The following CAMK1D variants were observed in gnomAD, a reference collection of about 807,000 sequenced individuals.
The protein encoded by CAMK1D is calcium/calmodulin dependent protein kinase ID.
Under a neutral mutation model 47.7 loss-of-function variants are expected in CAMK1D, and 9 were observed. The ratio of observed to expected loss-of-function variants is 0.19; its 90% CI spans 0.11 to 0.33. CAMK1D has a LOEUF of 0.33. CAMK1D is among the 10% of genes least tolerant of loss of function. CAMK1D has a pLI of 1.00. For missense variants in CAMK1D, 291 were observed against 488.7 expected (o/e 0.60, Z 3.81); for synonymous variants, 184 against 184.9 (o/e 0.99, Z 0.04).
rs1833412191 is a variant in CAMK1D, at chr10:12,831,124, A to G, written c.*2237A>G. Reference sequence around the variant, plus strand: ...GAATTCTGCATGGCATCTGCCACGCATGCTCACAGGGTGAAAAATCAAGCT... The same window carrying G: ...GAATTCTGCATGGCATCTGCCACGCGTGCTCACAGGGTGAAAAATCAAGCT... On this transcript the variant is annotated 3_prime_UTR_variant, in exon 11 of 11. Coordinates refer to ENST00000619168, the MANE Select transcript of CAMK1D (RefSeq NM_153498.4). 6.6e-6 allele frequency: 1 copy of G among 152,246 alleles called. No individual in the cohort carries two copies. The highest frequency in any genetic ancestry group is 6.5e-5 in the Admixed American group (1 of 15,284). The allele number at this position is 152,246 out of a possible 1,614,324, so 9.4% of individuals were successfully genotyped here. A position where few individuals can be genotyped will look rare whatever the true frequency, so the allele number is the denominator to read the frequency against.
chr10:12,569,167 A>G (rs963876566), intron 2 of CAMK1D, among the ~76,000 whole-genome samples: 3 of 152,210 alleles, frequency 2.0e-5, no homozygotes, highest in Non-Finnish European at 4.4e-5. Context: ...TGTATTCTCT[A>G]TACTCAATCA....
intron 3 of CAMK1D, among the ~76,000 whole-genome samples, chr10:12,713,821 A>G (rs1834021757): frequency 1.3e-5 from 2 of 152,230 alleles, no homozygotes; most frequent in Admixed American, 1.3e-4. Flanking sequence ...TTGGAACAGA[A>G]TCCCTCAACA....
chr10:12,694,149 T>TATATTATGC lies in CAMK1D; in HGVS notation c.299+27342_299+27343insTTATGCATA, dbSNP rs1339275117. ...AATATATATTATATATAATATAATA[T>TATATTATGC]ATAATATATATTATGCATAATATAT... is the stretch of plus-strand genomic sequence containing the variant. On this transcript the variant is annotated intron_variant, in intron 3 of 10. Coordinates refer to ENST00000619168, the MANE Select transcript of CAMK1D (RefSeq NM_153498.4). 3.0e-4 allele frequency among the ~76,000 whole-genome samples: 16 copies of TATATTATGC among 53,918 alleles called. 4 individuals carry two copies. The highest frequency in any genetic ancestry group is 1.3e-3 in the South Asian group (2 of 1,584). 35.4% of individuals were successfully genotyped at this position (53,918 alleles called of 152,430 possible). A position where few individuals can be genotyped will look rare whatever the true frequency, so the allele number is the denominator to read the frequency against.
chr10:12,595,200 G>A (rs1251167754), intron 2 of CAMK1D, among the ~76,000 whole-genome samples: 1 of 151,810 alleles, frequency 6.6e-6, no homozygotes, highest in African/African-American at 2.4e-5. Context: ...AAATTAGCCA[G>A]GCATGGTGGC....
chr10:12,758,413 C>A (rs1836335407), intron 3 of CAMK1D, among the ~76,000 whole-genome samples: 1 of 152,130 alleles, frequency 6.6e-6, no homozygotes, highest in South Asian at 2.1e-4. Flanking sequence ...TGGCAAGATT[C>A]TAAACTTTCC....
chr10:12,389,081 G>A (rs948417283), intron 1 of CAMK1D, among the ~76,000 whole-genome samples: 24 of 152,300 alleles, frequency 1.6e-4, no homozygotes, highest in African/African-American at 5.8e-4. Flanking sequence ...GGCGAGATGG[G>A]TCAACTGTGA....
intron 1 of CAMK1D, among the ~76,000 whole-genome samples, chr10:12,515,317 T>C (rs1020940267): frequency 6.6e-6 from 1 of 151,920 alleles, no homozygotes; most frequent in Middle Eastern, 3.2e-3. Context: ...TCCCCTGTGT[T>C]ACTCCTTTGC....
At chr10:12,596,148 A>G (rs11257913) in intron 2 of CAMK1D, among the ~76,000 whole-genome samples, 68,786 of 151,926 alleles carry the variant, frequency 0.45, 16,079 homozygotes, top group East Asian at 0.64. Context: ...GAGTGTGGGC[A>G]TTTGGAGGAG....
At chr10:12,625,792 A>G (rs535032457) in intron 2 of CAMK1D, among the ~76,000 whole-genome samples, 1 of 152,132 alleles carries the variant, frequency 6.6e-6, no homozygotes, top group East Asian at 1.9e-4. Flanking sequence ...GAAGTTTTAA[A>G]AGATTCGTGA....
chr10:12,735,663 A>G (rs908201052), intron 3 of CAMK1D, among the ~76,000 whole-genome samples: 19 of 152,192 alleles, frequency 1.2e-4, no homozygotes, highest in Non-Finnish European at 2.1e-4. Context: ...TCTCTGTACC[A>G]GACCTGATGC....
chr10:12,383,357 A>G (rs958284174), intron 1 of CAMK1D, among the ~76,000 whole-genome samples: 1 of 152,166 alleles, frequency 6.6e-6, no homozygotes, highest in East Asian at 1.9e-4. Context: ...TCGAAGCAGG[A>G]AAATTGGTAC....
At chr10:12,646,514 C>T (rs1032966226) in intron 2 of CAMK1D, among the ~76,000 whole-genome samples, 6 of 152,100 alleles carry the variant, frequency 3.9e-5, no homozygotes, top group South Asian at 2.1e-4. Flanking sequence ...AGGTTTTGTT[C>T]CAAGATGTGC....
intron 1 of CAMK1D, among the ~76,000 whole-genome samples, chr10:12,430,794 C>T (rs775418775): frequency 5.3e-5 from 8 of 152,094 alleles, no homozygotes; most frequent in South Asian, 2.1e-4. Flanking sequence ...TGTGTGGCCC[C>T]GGCTGGAGTG....
chr10:12,549,777 A>G (rs1836517930), intron 1 of CAMK1D, among the ~76,000 whole-genome samples: 1 of 152,158 alleles, frequency 6.6e-6, no homozygotes, highest in Non-Finnish European at 1.5e-5. Flanking sequence ...CCAGGGACAA[A>G]GGCAGAAAAA....
chr10:12,457,039 G>A (rs143608489), intron 1 of CAMK1D, among the ~76,000 whole-genome samples: 519 of 152,260 alleles, frequency 3.4e-3, no homozygotes, highest in Non-Finnish European at 5.5e-3. Context: ...CTGGTTAAAG[G>A]GGTGATGGTG....
intron 2 of CAMK1D, among the ~76,000 whole-genome samples, chr10:12,627,350 G>T (rs1839250283): frequency 6.6e-6 from 1 of 152,074 alleles, no homozygotes; most frequent in South Asian, 2.1e-4. Context: ...CTCCCAAAGT[G>T]CTGGGATTAC....
At chr10:12,527,350 CTT>C (rs750670427) in intron 1 of CAMK1D, among the ~76,000 whole-genome samples, 2 of 83,998 alleles carry the variant, frequency 2.4e-5, no homozygotes, top group Non-Finnish European at 4.4e-5. Flanking sequence ...ACTTGACTTG[CTT>C]TTTTTTTTTT....
intron 1 of CAMK1D, among the ~76,000 whole-genome samples, chr10:12,401,216 T>A (rs867301664): frequency 8.4e-5 from 3 of 35,658 alleles, no homozygotes; most frequent in African/African-American, 1.1e-4. Context: ...AATATATGTA[T>A]TATATATATT....
intron 3 of CAMK1D, among the ~76,000 whole-genome samples, chr10:12,699,921 G>A (rs1370075305): frequency 2.0e-5 from 3 of 151,794 alleles, no homozygotes; most frequent in Non-Finnish European, 4.4e-5. Flanking sequence ...TCAAAATGAC[G>A]TCTTTTCCTT....
Sources: gnomAD v4.1 joint callset for allele counts (sites outside exome capture counted in the v4.1 genomes callset) on GRCh38, gnomAD v4.1.1 for gene constraint, MANE v1.5 for transcripts, NCBI Gene and HGNC (gene_info 2026-07-23, HGNC 2026-07-21) for gene names.